PCDHGA7: variants seen among roughly 807,000 people sequenced by gnomAD.
The protein encoded by PCDHGA7 is protocadherin gamma subfamily A, 7.
A neutral mutation model predicts 58.3 loss-of-function variants in PCDHGA7; 44 were observed. The observed-to-expected ratio is 0.75, with a 90% CI of 0.59 to 0.97. The LOEUF (loss-of-function observed/expected upper bound fraction) is 0.97. Ranked by LOEUF, PCDHGA7 falls within the 50% of genes least tolerant of loss-of-function variation. The probability of loss-of-function intolerance (pLI) is 0.00; values close to 1 mark genes in which losing one functional copy is unlikely to be tolerated. For synonymous variants in PCDHGA7, 516 were observed against 504.2 expected (o/e 1.02, Z -0.31); for missense variants, 1,266 against 1,188.7 (o/e 1.06, Z -0.96).
chr5:141,439,162 C>T (rs1422780686), intron 1 of PCDHGA7, among the ~76,000 whole-genome samples: 1 of 149,498 alleles, frequency 6.7e-6, no homozygotes, highest in Non-Finnish European at 1.5e-5. Flanking sequence ...CACTGCACTC[C>T]AGCCTGGGCG....
chr5:141,510,194 G>A (rs920127442), intron 3 of PCDHGA7, among the ~76,000 whole-genome samples: 1 of 151,462 alleles, frequency 6.6e-6, no homozygotes, highest in Non-Finnish European at 1.5e-5. Context: ...AATCACTTGA[G>A]CCCAGGAGGC....
Position 141,511,606 on chromosome 5 carries a change from G to A in PCDHGA7, c.*433G>A, listed in dbSNP as rs1160129762. The stretch of plus-strand genomic sequence containing the variant: ...TGTTGAAGTACCAAGTAACCTACAA[G>A]CCTCCTAGTTCTGAAAAGTTGGAAG... On this transcript the variant is annotated 3_prime_UTR_variant, in exon 4 of 4. Transcript: ENST00000518325. 2 of 248,594 alleles carry A rather than the reference G, an allele frequency of 8.0e-6. No individual in the cohort carries two copies. Among genetic ancestry groups the A allele is most frequent in the Non-Finnish European group, 1.6e-5 (2 of 123,946 alleles). 15.4% of individuals were successfully genotyped at this position (248,594 alleles called of 1,614,324 possible). A position where few individuals can be genotyped will look rare whatever the true frequency, so the allele number is the denominator to read the frequency against.
In PCDHGA7 at chr5:141,501,176, T is replaced by C. The variant is rs917315609; in HGVS notation, c.2484-4217T>C. ...GCCACCATCCCCAGCCTCATTTACA[T>C]TTTAACACAATTAAATTCAGGGTGT... On this transcript the variant is annotated intron_variant, in intron 2 of 3. Coordinates refer to ENST00000518325, the MANE Select transcript of PCDHGA7 (RefSeq NM_018920.4). Among the ~76,000 whole-genome samples, 16 of 152,244 alleles carry C rather than the reference T, an allele frequency of 1.1e-4. No homozygotes were observed. In the South Asian group the frequency reaches 3.3e-3, roughly 32 times the overall value.
chr5:141,398,587 C>T, intron 1 of PCDHGA7: 5 of 1,613,860 alleles, frequency 3.1e-6, no homozygotes, highest in Non-Finnish European at 3.4e-6. Context: ...AAGATTTATA[C>T]TAGAAGTAGC....
intron 1 of PCDHGA7, chr5:141,403,145 C>T (rs749236674): frequency 2.5e-6 from 4 of 1,613,920 alleles, no homozygotes; most frequent in African/African-American, 1.3e-5. Flanking sequence ...GCGCCGAGTC[C>T]GCATCGTCTC....
intron 1 of PCDHGA7, chr5:141,429,251 A>C (rs2097199889): frequency 6.6e-6 from 1 of 151,884 alleles, no homozygotes; most frequent in Non-Finnish European, 1.5e-5. Context: ...GAGATATTTT[A>C]ATTGAGGAAT....
At chr5:141,481,913 CA>C (rs34114744) in intron 1 of PCDHGA7, among the ~76,000 whole-genome samples, 39,195 of 90,872 alleles carry the variant, frequency 0.43, 5,902 homozygotes, top group Admixed American at 0.51. Flanking sequence ...AACTCCATCT[CA>C]AAAAAAAAAA....
chr5:141,487,889 T>C lies in PCDHGA7; in HGVS notation c.2425-6918T>C, dbSNP rs984668596. On this transcript the variant is annotated intron_variant, in intron 1 of 3. Transcript: ENST00000518325. The surrounding 1 kb of genome is among the most constrained non-coding windows in gnomAD (Gnocchi z 5.0). ...CAAGAGCCAGGCTGTTGTGGAAGCA[T>C]GATGATGGAATGTGGGAGCACAGGA... 6.7e-6 allele frequency: 5 copies of C among 747,180 alleles called. No homozygotes were observed. The highest frequency in any genetic ancestry group is 1.1e-5 in the Non-Finnish European group (5 of 464,054). The allele number at this position is 747,180 out of a possible 1,614,324, so 46.3% of individuals were successfully genotyped here. A position where few individuals can be genotyped will look rare whatever the true frequency, so the allele number is the denominator to read the frequency against.
At position 141,403,891 on chromosome 5, in the gene PCDHGA7, AT is replaced by A. The variant is rs757338627; in HGVS notation, c.2424+18572del. The A allele has an allele frequency of 3.1e-6, 5 of 1,613,870 alleles. No individual in the cohort carries two copies. In the Admixed American group the frequency reaches 6.7e-5, roughly 22 times the overall value. On this transcript the variant is annotated intron_variant, in intron 1 of 3. Transcript: ENST00000518325. Reference sequence around the variant, plus strand: ...AAAGTCTAGATTATGAAGAATGTTCATTTTATGAAATGGAAATACAAGCTGA... The same window carrying A: ...AAAGTCTAGATTATGAAGAATGTTCATTTATGAAATGGAAATACAAGCTGA...
intron 3 of PCDHGA7, among the ~76,000 whole-genome samples, chr5:141,506,045 C>G (rs1379226123): frequency 6.6e-6 from 1 of 152,078 alleles, no homozygotes; most frequent in Non-Finnish European, 1.5e-5. Flanking sequence ...TCTGGTTTTC[C>G]CATAAGGTTG....
chr5:141,494,680 C>G (rs552351026), intron 1 of PCDHGA7, 127 bp from the exon 2 acceptor site: 2 of 1,560,096 alleles, frequency 1.3e-6, no homozygotes, highest in East Asian at 4.6e-5. Context: ...CCACCCCTGC[C>G]CCCTCTTAGT....
intron 1 of PCDHGA7, chr5:141,403,656 C>G: frequency 6.2e-7 from 1 of 1,613,894 alleles, no homozygotes. Flanking sequence ...GTGTTGGATA[C>G]AAATGATAAT....
chr5:141,489,300 C>G lies in PCDHGA7; in HGVS notation c.2425-5507C>G. The G allele has an allele frequency of 6.3e-7, 1 of 1,585,700 alleles. No individual in the cohort carries two copies. The highest frequency in any genetic ancestry group is 1.2e-5 in the South Asian group (1 of 85,012). Reference sequence around the variant, plus strand: ...AATGGCAAGTGCTGTGCATGTTGTCCTTGTGCTGCTGGGGCTGGGTGTCTG... The same window carrying G: ...AATGGCAAGTGCTGTGCATGTTGTCGTTGTGCTGCTGGGGCTGGGTGTCTG... On this transcript the variant is annotated intron_variant, in intron 1 of 3. Coordinates refer to ENST00000518325, the MANE Select transcript of PCDHGA7 (RefSeq NM_018920.4). This position sits in a 1 kb window ranked among gnomAD's most constrained non-coding sequence, Gnocchi z 4.5.
At chr5:141,398,199 G>A in intron 1 of PCDHGA7, 1 of 1,491,242 alleles carries the variant, frequency 6.7e-7, no homozygotes, top group South Asian at 1.3e-5. Flanking sequence ...TGCTGTCTTT[G>A]TTCTGCCCGG....
At chr5:141,435,054 C>A (rs891988253) in intron 1 of PCDHGA7, among the ~76,000 whole-genome samples, 7 of 151,964 alleles carry the variant, frequency 4.6e-5, no homozygotes, top group Admixed American at 1.3e-4. Context: ...ATTGACCATG[C>A]AGCAGTTTTG....
At chr5:141,427,635 C>T in intron 1 of PCDHGA7, 1 of 706,280 alleles carries the variant, frequency 1.4e-6, no homozygotes, top group African/African-American at 1.7e-5. Context: ...TCCGGTTTTC[C>T]ACCAAGTCTC....
chr5:141,510,995 G>T lies in PCDHGA7; in HGVS notation c.2621G>T (p.Gly874Val). ...STLGGGAGTM[G>V]LSARYGPQFT... is the part of the protein sequence containing the mutation. ...CTGGGAGGGGGTGCCGGCACCATGG[G>T]ATTGAGCGCCCGCTACGGACCCCAG... is the stretch of plus-strand genomic sequence containing the variant. Residue 874 changes from glycine to valine, a missense_variant, in exon 4 of 4, where the codon GGA becomes GTA. Physicochemically the swap from Gly to Val is moderately radical, Grantham distance 109. Coordinates refer to ENST00000518325, the MANE Select transcript of PCDHGA7 (RefSeq NM_018920.4). The T allele has an allele frequency of 6.2e-7, 1 of 1,614,172 alleles. No individual in the cohort carries two copies. Among genetic ancestry groups the T allele is most frequent in the Non-Finnish European group, 8.5e-7 (1 of 1,180,018 alleles).
At position 141,485,568 on chromosome 5, in the gene PCDHGA7, G is replaced by T. The variant is rs1020556289; in HGVS notation, c.2425-9239G>T. 6.2e-7 allele frequency: 1 copy of T among 1,612,758 alleles called. No homozygotes were observed. Among genetic ancestry groups the T allele is most frequent in the Non-Finnish European group, 8.5e-7 (1 of 1,178,924 alleles). On this transcript the variant is annotated intron_variant, in intron 1 of 3. Coordinates refer to ENST00000518325, the MANE Select transcript of PCDHGA7 (RefSeq NM_018920.4). The surrounding 1 kb of genome is among the most constrained non-coding windows in gnomAD (Gnocchi z 5.7). Reference sequence around the variant, plus strand: ...GTAGATGTGAATGATCACGCCCCCCGTTTTCCGCGGCAGCAGCTGGACTTG... The same window carrying T: ...GTAGATGTGAATGATCACGCCCCCCTTTTTCCGCGGCAGCAGCTGGACTTG...
intron 1 of PCDHGA7, among the ~76,000 whole-genome samples, chr5:141,396,932 T>C (rs2093455423): frequency 6.6e-6 from 1 of 152,230 alleles, no homozygotes; most frequent in Non-Finnish European, 1.5e-5. Flanking sequence ...CGGATGAAAG[T>C]TGCCCTGGTA....
Sources: allele counts gnomAD v4.1 joint callset (sites outside exome capture counted in the v4.1 genomes callset), GRCh38; gene constraint gnomAD v4.1.1; non-coding constraint Gnocchi (gnomAD v3.1); transcripts MANE v1.5; gene names NCBI Gene and HGNC (gene_info 2026-07-23, HGNC 2026-07-21).